The following DPP6 variants were observed in gnomAD, a reference collection of about 807,000 sequenced individuals.
DPP6 encodes dipeptidyl peptidase like 6.
DPP6 carries 69 observed loss-of-function variants against 122.6 expected under a neutral mutation model. That is an observed-to-expected ratio of 0.56 (90% CI 0.46 to 0.69). The LOEUF (loss-of-function observed/expected upper bound fraction) is 0.69, where lower values mean the gene tolerates loss of function less well. Ranked by LOEUF, DPP6 falls within the 30% of genes least tolerant of loss-of-function variation. The pLI, the probability that DPP6 is intolerant of heterozygous loss-of-function variation, is 0.00. For synonymous variants in DPP6, 418 were observed against 433.1 expected (o/e 0.97, Z 0.43); for missense variants, 928 against 1,116.9 (o/e 0.83, Z 2.41).
intron 6 of DPP6, among the ~76,000 whole-genome samples, chr7:154,663,869 G>A (rs1419548721): frequency 2.8e-5 from 3 of 106,796 alleles, no homozygotes; most frequent in Non-Finnish European, 6.8e-5. Flanking sequence ...TCACCATGGC[G>A]TATTGGCCGT....
chr7:153,893,149 G>A (rs1469944599), intron 1 of DPP6, among the ~76,000 whole-genome samples: 1 of 152,226 alleles, frequency 6.6e-6, no homozygotes. Flanking sequence ...GAAGAGGGCT[G>A]TGCTGTTTTT....
At chr7:154,546,215 A>G (rs1459963812) in intron 4 of DPP6, among the ~76,000 whole-genome samples, 1 of 152,240 alleles carries the variant, frequency 6.6e-6, no homozygotes. Context: ...ACAATATACT[A>G]GGCTAACAAC....
At chr7:153,827,826 CCCCGTGGTGTCAATGCAGA>C in the DPP6 span, among the ~76,000 whole-genome samples, 7 of 152,182 alleles carry the variant, frequency 4.6e-5, no homozygotes, top group Non-Finnish European at 8.8e-5. Context: ...GGGCTGCGCT[CCCCGTGGTGTCAATGCAGA>C]CCCTGTAGAC....
intron 5 of DPP6, among the ~76,000 whole-genome samples, chr7:154,591,014 T>C (rs73727306): frequency 0.021 from 3,179 of 152,038 alleles, 142 homozygotes; most frequent in African/African-American, 0.072. Flanking sequence ...TGGGTTACAG[T>C]AGTGAGGGAA....
At chr7:154,700,410 C>T (rs1026419181) in intron 7 of DPP6, among the ~76,000 whole-genome samples, 6 of 152,120 alleles carry the variant, frequency 3.9e-5, no homozygotes, top group South Asian at 2.1e-4. Context: ...AGCAGTGGGC[C>T]AGTATCATTT....
At chr7:153,988,599 G>A (rs1163665343) in intron 1 of DPP6, among the ~76,000 whole-genome samples, 1 of 152,204 alleles carries the variant, frequency 6.6e-6, no homozygotes, top group Non-Finnish European at 1.5e-5. Context: ...AGTCAAGGAG[G>A]GCATCGGGGG....
At chr7:153,985,675 TGTA>T (rs1393799314) in intron 1 of DPP6, among the ~76,000 whole-genome samples, 1 of 152,192 alleles carries the variant, frequency 6.6e-6, no homozygotes, top group Non-Finnish European at 1.5e-5. Flanking sequence ...CTCTCCATAC[TGTA>T]GTAGACATTG....
the DPP6 span, among the ~76,000 whole-genome samples, chr7:153,865,265 G>T: frequency 5.9e-5 from 9 of 152,094 alleles, no homozygotes; most frequent in Admixed American, 2.6e-4. Flanking sequence ...GAATAAGATG[G>T]AGTATACAGA....
At chr7:154,314,726 C>A (rs1411297976) in intron 1 of DPP6, among the ~76,000 whole-genome samples, 1 of 152,116 alleles carries the variant, frequency 6.6e-6, no homozygotes, top group East Asian at 1.9e-4. Context: ...TGGCAAGCTG[C>A]AAATTCAGAA....
chr7:154,752,579 G>A (rs1444532083), intron 8 of DPP6, among the ~76,000 whole-genome samples: 2 of 152,138 alleles, frequency 1.3e-5, no homozygotes, highest in African/African-American at 4.8e-5. Context: ...TGGCCTCCTG[G>A]TCTTCCTGTA....
At chr7:154,676,177 G>A (rs1160941906) in intron 7 of DPP6, among the ~76,000 whole-genome samples, 3 of 148,324 alleles carry the variant, frequency 2.0e-5, no homozygotes, top group Non-Finnish European at 4.5e-5. Context: ...CAGGTGTTCC[G>A]GGCTACAGCC....
intron 1 of DPP6, among the ~76,000 whole-genome samples, chr7:154,265,090 G>C (rs62650129): frequency 8.0e-4 from 1 of 1,244 alleles, no homozygotes; most frequent in African/African-American, 1.2e-3. Flanking sequence ...TGATGGTGAT[G>C]ATGATGGTGA....
At chr7:153,855,397 TTGTG>T in the DPP6 span, among the ~76,000 whole-genome samples, 1 of 152,230 alleles carries the variant, frequency 6.6e-6, no homozygotes, top group Non-Finnish European at 1.5e-5. Flanking sequence ...TCTTATTTAT[TTGTG>T]TGTCTCCATT....
chr7:154,700,572 T>C (rs1840461205), intron 7 of DPP6, among the ~76,000 whole-genome samples: 1 of 152,220 alleles, frequency 6.6e-6, no homozygotes, highest in African/African-American at 2.4e-5. Context: ...CTTGGGCTGG[T>C]TCAGCCTTCT....
At chr7:153,843,305 A>T in the DPP6 span, among the ~76,000 whole-genome samples, 6 of 151,570 alleles carry the variant, frequency 4.0e-5, no homozygotes, top group Admixed American at 6.5e-5. Flanking sequence ...CACACTTCTT[A>T]CTTCTCTATA....
chr7:153,905,854 G>A (rs1799828628), intron 1 of DPP6, among the ~76,000 whole-genome samples: 1 of 152,158 alleles, frequency 6.6e-6, no homozygotes, highest in African/African-American at 2.4e-5. Flanking sequence ...TTTGAAAAGT[G>A]GAGACTGAAT....
chr7:154,748,370 G>C (rs1843136665), intron 8 of DPP6, among the ~76,000 whole-genome samples: 1 of 152,208 alleles, frequency 6.6e-6, no homozygotes, highest in Non-Finnish European at 1.5e-5. Flanking sequence ...CAGATCGGGG[G>C]TCTCCGGGTC....
At chr7:154,209,876 G>T (rs1168097572) in intron 1 of DPP6, among the ~76,000 whole-genome samples, 2 of 152,154 alleles carry the variant, frequency 1.3e-5, no homozygotes, top group Non-Finnish European at 2.9e-5. Context: ...AAAGGGCATG[G>T]ACCCCTGGCC....
chr7:154,544,378 C>G (rs1479933531), intron 4 of DPP6, among the ~76,000 whole-genome samples: 1 of 152,140 alleles, frequency 6.6e-6, no homozygotes, highest in East Asian at 1.9e-4. Flanking sequence ...TGAAGTAGCT[C>G]TCCTCAGCTG....
Sources: gnomAD v4.1 joint callset for allele counts (sites outside exome capture counted in the v4.1 genomes callset) on GRCh38, gnomAD v4.1.1 for gene constraint, MANE v1.5 for transcripts, NCBI Gene and HGNC (gene_info 2026-07-23, HGNC 2026-07-21) for gene names.